GSDMB: variants seen among roughly 807,000 people sequenced by gnomAD.
The protein encoded by GSDMB is gasdermin B.
Under a neutral mutation model 42.9 loss-of-function variants are expected in GSDMB, and 32 were observed. The observed-to-expected ratio is 0.75, with a 90% CI of 0.56 to 1.00. The LOEUF is 1.00. GSDMB is among the 50% of genes least tolerant of loss of function. GSDMB has a pLI of 0.00. For synonymous variants in GSDMB, 175 were observed against 193.7 expected (o/e 0.90, Z 0.80); for missense variants, 468 against 498.5 (o/e 0.94, Z 0.58).
chr17:39,906,634 C>A, intron 7 of GSDMB: 1 of 1,297,672 alleles, frequency 7.7e-7, no homozygotes, highest in Non-Finnish European at 9.8e-7. Context: ...TGGTTCTCAA[C>A]CTTGACTACA....
chr17:39,915,075 G>A (rs2144713180), intron 2 of GSDMB, among the ~76,000 whole-genome samples: 1 of 152,006 alleles, frequency 6.6e-6, no homozygotes, highest in Non-Finnish European at 1.5e-5. Flanking sequence ...GGCCTCAAGT[G>A]ATCCGCCCGC....
At chr17:39,914,387 G>T (rs890420137) in intron 2 of GSDMB, among the ~76,000 whole-genome samples, 1 of 152,298 alleles carries the variant, frequency 6.6e-6, no homozygotes, top group Admixed American at 6.5e-5. Flanking sequence ...GCCAAGAGGA[G>T]CCTAAGGAGA....
At chr17:39,912,220 T>C (rs146886103) in intron 3 of GSDMB, 106 bp downstream of exon 3, 1 of 771,834 alleles carries the variant, frequency 1.3e-6, no homozygotes, top group South Asian at 2.0e-5. Context: ...AAAAGAAAAA[T>C]AAAAATAAAT....
chr17:39,908,872 G>A, intron 5 of GSDMB, 86 bp downstream of exon 5: 1 of 862,966 alleles, frequency 1.2e-6, no homozygotes, highest in Non-Finnish European at 1.9e-6. Context: ...CCCACCCTAG[G>A]CTGACAGAGC....
At chr17:39,916,936 C>T (rs745705183) in intron 2 of GSDMB, 146 bp downstream of exon 2, 10 of 606,086 alleles carry the variant, frequency 1.6e-5, no homozygotes, top group Non-Finnish European at 3.0e-5. Context: ...CTCTTCCGTG[C>T]ATTTCTTAAA....
chr17:39,905,912 T>C lies in GSDMB; in HGVS notation c.962A>G (p.Asn321Ser), dbSNP rs1425974424. ...CGCTTCTACCAAGACCCCAGCAGCA[T>C]TAAAAAGGCTGCTTAGGAGAGGCTT... Reference protein sequence around the residue: ...PDKPLLSSLFNAAGVLVEARA... With the variant: ...PDKPLLSSLFSAAGVLVEARA... The change falls in exon 9 of 11, where the codon AAT (asparagine) becomes AGT (serine). Residue 321 changes from asparagine (N) to serine (S), a missense_variant. Transcript: ENST00000418519. 2 of 1,614,054 alleles carry C rather than the reference T, an allele frequency of 1.2e-6. No individual in the cohort carries two copies. The highest frequency in any genetic ancestry group is 1.1e-5 in the South Asian group (1 of 91,066).
At chr17:39,905,305 G>C in intron 10 of GSDMB, 121 bp downstream of exon 10, 1 of 696,680 alleles carries the variant, frequency 1.4e-6, no homozygotes, top group Non-Finnish European at 2.5e-6. Context: ...CAGCTGCATG[G>C]ATGTGAGCCG....
chr17:39,917,116 G>GT lies in GSDMB; in HGVS notation c.200dup (p.Asp67GlufsTer6). 6.2e-7 allele frequency: 1 copy of GT among 1,613,938 alleles called. No homozygotes were observed. Among genetic ancestry groups the GT allele is most frequent in the East Asian group, 2.2e-5 (1 of 44,882 alleles). ...CAGAATCCAGTTCATCTAACCACTT[G>GT]TCCCCATCTGTGTCCAGAATGTCCA... On this transcript the variant is annotated frameshift_variant, in exon 2 of 11. Transcript: ENST00000418519. LOFTEE classifies it high-confidence loss of function.
Position 39,904,609 on chromosome 17 carries a change from C to T in GSDMB, c.*203G>A, listed in dbSNP as rs2063470594. ...AAAAGACAAAATTAACATGCACAACCTGCCACTTTTAATCAGAAGTCCATG... is the reference window on the plus strand; with the variant it reads ...AAAAGACAAAATTAACATGCACAACTTGCCACTTTTAATCAGAAGTCCATG... On this transcript the variant is annotated 3_prime_UTR_variant, in exon 11 of 11. Transcript: ENST00000418519. The T allele has an allele frequency of 1.0e-5, 5 of 497,776 alleles. No individual in the cohort carries two copies. The East Asian group carries it at 1.3e-4, about 13-fold the overall frequency. 30.8% of individuals were successfully genotyped at this position (497,776 alleles called of 1,614,324 possible). A position where few individuals can be genotyped will look rare whatever the true frequency, so the allele number is the denominator to read the frequency against.
chr17:39,914,259 C>A (rs889642087), intron 2 of GSDMB, among the ~76,000 whole-genome samples: 15 of 152,032 alleles, frequency 9.9e-5, no homozygotes, highest in African/African-American at 3.6e-4. Context: ...CCCAGTCTAA[C>A]CATGAGAAAA....
chr17:39,905,551 C>T lies in GSDMB; in HGVS notation c.1028-55G>A, dbSNP rs566995578. 25 of 1,377,064 alleles carry T rather than the reference C, an allele frequency of 1.8e-5. No individual in the cohort carries two copies. The East Asian group carries it at 5.1e-4, about 28-fold the overall frequency. The allele number at this position is 1,377,064 out of a possible 1,614,324, so 85.3% of individuals were successfully genotyped here. A position where few individuals can be genotyped will look rare whatever the true frequency, so the allele number is the denominator to read the frequency against. ...AGAGATATATGGTGGGACAGGGCCTCAGTGGCTGATCACACCCAGAACATG... is the reference window on the plus strand; with the variant it reads ...AGAGATATATGGTGGGACAGGGCCTTAGTGGCTGATCACACCCAGAACATG... On this transcript the variant is annotated intron_variant, in intron 9 of 10. Transcript: ENST00000418519.
chr17:39,917,194 C>T lies in GSDMB; in HGVS notation c.123G>A (p.Gly41=), dbSNP rs2144722835. 1.2e-6 allele frequency: 2 copies of T among 1,613,986 alleles called. No individual in the cohort carries two copies. The highest frequency in any genetic ancestry group is 2.2e-5 in the East Asian group (1 of 44,890). Residue 41 remains glycine (G), a synonymous_variant, in exon 2 of 11, where the codon GGG becomes GGA. Transcript: ENST00000418519. ...GGCATCCAAAGAAAGTTCTCTTCTC[C>T]CCCACCAGATGGAAGCAGCGGAATC... ...ADRFRCFHLV[G]EKRTFFGCRH... is the part of the protein sequence containing the mutation.
rs1283144165 is a variant in GSDMB at position 39,917,106 on chromosome 17, C to G, written c.211G>C (p.Asp71His). 1 of 1,613,790 alleles carries G rather than the reference C, an allele frequency of 6.2e-7. No individual in the cohort carries two copies. The highest frequency in any genetic ancestry group is 8.5e-7 in the Non-Finnish European group (1 of 1,179,770). Residue 71 changes from aspartate to histidine, a missense_variant, in exon 2 of 11, where the codon GAT becomes CAT. Physicochemically the swap from Asp to His is moderately conservative, Grantham distance 81. Transcript: ENST00000418519. ...ILDTDGDKWLDELDSGLQGQK... is the reference protein window; with the variant it reads ...ILDTDGDKWLHELDSGLQGQK... ...CCTTGGAGCCCAGAATCCAGTTCAT[C>G]TAACCACTTGTCCCCATCTGTGTCC...
intron 2 of GSDMB, among the ~76,000 whole-genome samples, chr17:39,916,375 C>A (rs187689103): frequency 1.3e-5 from 2 of 150,326 alleles, no homozygotes; most frequent in Non-Finnish European, 2.9e-5. Context: ...CTGCACCTCC[C>A]GGGTTCAAGC....
At position 39,914,966 on chromosome 17, in the gene GSDMB, A is replaced by G. The variant is rs562556235; in HGVS notation, c.235+2116T>C. Among the ~76,000 whole-genome samples, 7 of 151,568 alleles carry G rather than the reference A, an allele frequency of 4.6e-5. No individual in the cohort carries two copies. The South Asian group carries it at 1.5e-3, about 32-fold the overall frequency. ...ATTCTCCTGCCTCAGCCTCCCGAGT[A>G]GCTGGGATTACAGGCATGCGACACC... On this transcript the variant is annotated intron_variant, in intron 2 of 10. Transcript: ENST00000418519.
In GSDMB at chr17:39,917,147, G is replaced by T; in HGVS notation, c.170C>A (p.Thr57Asn). The change falls in exon 2 of 11, where the codon ACC becomes AAC. Residue 57 changes from threonine to asparagine, a missense_variant. Transcript: ENST00000418519. The part of the protein sequence containing the change: ...FGCRHYTTGL[T>N]LMDILDTDGD... Reference sequence around the variant, plus strand: ...ATCTGTGTCCAGAATGTCCATCAGGGTGAGGCCTGTTGTGTAGTGCCGGCA... The same window carrying T: ...ATCTGTGTCCAGAATGTCCATCAGGTTGAGGCCTGTTGTGTAGTGCCGGCA... The T allele has an allele frequency of 1.9e-6, 3 of 1,614,110 alleles. No individual in the cohort carries two copies. The highest frequency in any genetic ancestry group is 2.5e-6 in the Non-Finnish European group (3 of 1,179,996).
At chr17:39,906,761 G>T in intron 7 of GSDMB, 200 bp downstream of exon 7, 1 of 1,366,936 alleles carries the variant, frequency 7.3e-7, no homozygotes, top group Non-Finnish European at 9.5e-7. Context: ...TTCCTGGTGT[G>T]ATTTTGGGGT....
intron 2 of GSDMB, 30 bp from the exon 3 acceptor site, chr17:39,912,527 G>A (rs757014765): frequency 6.4e-7 from 1 of 1,574,338 alleles, no homozygotes; most frequent in Non-Finnish European, 8.7e-7. Context: ...GGTCACTCTG[G>A]AGCAGACCCC....
intron 2 of GSDMB, among the ~76,000 whole-genome samples, chr17:39,916,278 T>C (rs1420170465): frequency 8.0e-6 from 1 of 124,270 alleles, no homozygotes; most frequent in Non-Finnish European, 1.6e-5. Context: ...TGTTCTCATT[T>C]GATTTTTTTT....
Sources: allele counts gnomAD v4.1 joint callset (sites outside exome capture counted in the v4.1 genomes callset), GRCh38; gene constraint gnomAD v4.1.1; transcripts MANE v1.5; gene names NCBI Gene and HGNC (gene_info 2026-07-23, HGNC 2026-07-21).